TMEM132B: variants seen among roughly 807,000 people sequenced by gnomAD.
TMEM132B encodes the protein transmembrane protein 132B.
TMEM132B carries 18 observed loss-of-function variants against 90.8 expected under a neutral mutation model. The observed-to-expected ratio is 0.20, with a 90% CI of 0.14 to 0.29. TMEM132B has a LOEUF of 0.29. Among genes scored for constraint, TMEM132B ranks in the 10% least tolerant of loss-of-function variants. TMEM132B has a pLI of 1.00. For synonymous variants in TMEM132B, 504 were observed against 523.3 expected, an observed-to-expected ratio of 0.96 and a Z score of 0.50; for missense variants, 1,096 against 1,326.8, an observed-to-expected ratio of 0.83 and a Z score of 2.70.
chr12:125,488,480 T>C (rs1593170777), intron 3 of TMEM132B, among the ~76,000 whole-genome samples: 1 of 152,028 alleles, frequency 6.6e-6, no homozygotes, highest in African/African-American at 2.4e-5. Flanking sequence ...TGGGGGCGGG[T>C]CTTTCCTATG....
intron 5 of TMEM132B, among the ~76,000 whole-genome samples, chr12:125,639,497 T>C (rs1222064664): frequency 6.6e-6 from 1 of 152,246 alleles, no homozygotes; most frequent in East Asian, 1.9e-4. Flanking sequence ...GCTGTGCTAT[T>C]AGCAGAGACA....
intron 1 of TMEM132B, among the ~76,000 whole-genome samples, chr12:125,205,306 C>G (rs1050663855): frequency 6.6e-5 from 10 of 150,708 alleles, no homozygotes; most frequent in African/African-American, 2.5e-4. Flanking sequence ...TCCATGTACC[C>G]AGGCACTCTG....
chr12:125,366,634 C>T (rs1878142212), intron 2 of TMEM132B, among the ~76,000 whole-genome samples: 1 of 152,134 alleles, frequency 6.6e-6, no homozygotes, highest in African/African-American at 2.4e-5. Context: ...CTACAATGTG[C>T]AGAGGTATGG....
intron 1 of TMEM132B, among the ~76,000 whole-genome samples, chr12:125,288,037 A>C (rs949574579): frequency 6.6e-6 from 1 of 151,744 alleles, no homozygotes; most frequent in Non-Finnish European, 1.5e-5. Flanking sequence ...TGTTCAGCTA[A>C]TTTTTTTGGT....
intron 2 of TMEM132B, among the ~76,000 whole-genome samples, chr12:125,375,936 T>C (rs1311528400): frequency 6.6e-6 from 1 of 152,220 alleles, no homozygotes; most frequent in Non-Finnish European, 1.5e-5. Context: ...AGGGGAAAAA[T>C]GGTTTCAGGT....
chr12:125,633,442 T>C (rs1163359802), intron 5 of TMEM132B, among the ~76,000 whole-genome samples: 1 of 152,242 alleles, frequency 6.6e-6, no homozygotes, highest in African/African-American at 2.4e-5. Context: ...ATTTAGTTTA[T>C]TTGGTGAGGA....
At chr12:125,266,096 G>T (rs958218075) in intron 1 of TMEM132B, among the ~76,000 whole-genome samples, 1 of 152,124 alleles carries the variant, frequency 6.6e-6, no homozygotes, top group Non-Finnish European at 1.5e-5. Flanking sequence ...AGGTGTGGTG[G>T]CGGGCATCTG....
chr12:125,194,324 G>A (rs1045406522), intron 1 of TMEM132B, among the ~76,000 whole-genome samples: 19 of 152,016 alleles, frequency 1.2e-4, no homozygotes, highest in Non-Finnish European at 2.8e-4. Flanking sequence ...TGCAGTGCCC[G>A]GGAGGGGTGA....
chr12:125,332,463 A>G (rs1876806280), intron 1 of TMEM132B, among the ~76,000 whole-genome samples: 1 of 151,920 alleles, frequency 6.6e-6, no homozygotes, highest in African/African-American at 2.4e-5. Context: ...TCTTCTCTCA[A>G]TTAAGCGCAG....
intron 2 of TMEM132B, among the ~76,000 whole-genome samples, chr12:125,376,583 T>C (rs1162972548): frequency 6.6e-6 from 1 of 152,204 alleles, no homozygotes. Context: ...TGTCCTTGTT[T>C]CCTCATCTCA....
At chr12:125,442,907 G>C (rs377242234) in intron 3 of TMEM132B, among the ~76,000 whole-genome samples, 1 of 152,224 alleles carries the variant, frequency 6.6e-6, no homozygotes, top group East Asian at 1.9e-4. Context: ...GCCCCTGGTC[G>C]CTAGTCGACA....
chr12:125,551,656 C>T (rs759611466), intron 4 of TMEM132B, among the ~76,000 whole-genome samples: 8 of 146,724 alleles, frequency 5.5e-5, no homozygotes, highest in Non-Finnish European at 3.0e-5. Flanking sequence ...TTCATTTTAT[C>T]GTTGTATTGG....
At chr12:125,473,293 C>T (rs1881770406) in intron 3 of TMEM132B, among the ~76,000 whole-genome samples, 1 of 152,198 alleles carries the variant, frequency 6.6e-6, no homozygotes, top group African/African-American at 2.4e-5. Context: ...TTCCAAAAGG[C>T]CCACCCCCCA....
intron 3 of TMEM132B, among the ~76,000 whole-genome samples, chr12:125,507,835 C>T (rs900086269): frequency 3.3e-5 from 5 of 152,128 alleles, no homozygotes; most frequent in Non-Finnish European, 5.9e-5. Context: ...TAAGTTCTAA[C>T]ACAAGCACTC....
chr12:125,212,882 TCTAA>T (rs1191121278), intron 1 of TMEM132B, among the ~76,000 whole-genome samples: 1 of 151,980 alleles, frequency 6.6e-6, no homozygotes, highest in Non-Finnish European at 1.5e-5. Flanking sequence ...ATCGACAGGG[TCTAA>T]CTGTTTCACT....
chr12:125,645,082 G>A (rs919337983), intron 6 of TMEM132B, among the ~76,000 whole-genome samples: 2 of 151,990 alleles, frequency 1.3e-5, no homozygotes, highest in East Asian at 1.9e-4. Context: ...GCTGGGCGTG[G>A]TGGTGGGCGC....
rs444356 is a variant in TMEM132B at position 125,415,722 on chromosome 12, G to A, written c.1106+45G>A. On this transcript the variant is annotated intron_variant, in intron 3 of 8. Transcript: ENST00000682704. The surrounding 1 kb of genome is among the most constrained non-coding windows in gnomAD (Gnocchi z 5.3). ...AGGCACCTCCGCAGTGGGGAGGAGG[G>A]GAGTGGCTGCCAGAGCTGATAGCAA... 9,583 of 1,602,852 alleles carry A rather than the reference G, an allele frequency of 6.0e-3. 509 individuals are homozygous for A. In the African/African-American group the frequency reaches 0.11, roughly 18 times the overall value.
intron 2 of TMEM132B, among the ~76,000 whole-genome samples, chr12:125,383,312 A>C (rs1338290897): frequency 2.6e-5 from 4 of 152,032 alleles, no homozygotes; most frequent in Non-Finnish European, 5.9e-5. Context: ...ATACCACCCA[A>C]ACTCTTTCCC....
intron 3 of TMEM132B, among the ~76,000 whole-genome samples, chr12:125,505,670 C>G (rs1025569443): frequency 6.6e-6 from 1 of 150,624 alleles, no homozygotes; most frequent in African/African-American, 2.4e-5. Flanking sequence ...TGTGCTCAAG[C>G]TTGGGCGACA....
Sources: allele counts gnomAD v4.1 joint callset (sites outside exome capture counted in the v4.1 genomes callset), GRCh38; gene constraint gnomAD v4.1.1; non-coding constraint Gnocchi (gnomAD v3.1); transcripts MANE v1.5; gene names NCBI Gene and HGNC (gene_info 2026-07-23, HGNC 2026-07-21).